Variants in HELQ observed in about 807,000 individuals in gnomAD.
HELQ encodes the protein helicase, POLQ like.
HELQ carries 77 observed loss-of-function variants against 111.6 expected under a neutral mutation model. That is an observed-to-expected ratio of 0.69 (90% CI 0.57 to 0.83). The LOEUF is 0.83. HELQ is among the 40% of genes least tolerant of loss of function. The pLI is 0.00. For synonymous variants in HELQ, 438 were observed against 454.7 expected, an observed-to-expected ratio of 0.96 and a Z score of 0.47; for missense variants, 1,200 against 1,288.5, an observed-to-expected ratio of 0.93 and a Z score of 1.05.
At chr4:83,446,294 T>G (rs1017567500) in intron 4 of HELQ, among the ~76,000 whole-genome samples, 3 of 148,780 alleles carry the variant, frequency 2.0e-5, no homozygotes, top group Non-Finnish European at 4.5e-5. Flanking sequence ...AATCTGGGAT[T>G]CATAAGTACT....
In HELQ at chr4:83,421,756, T is replaced by C; in HGVS notation, c.2776-20A>G. ...CACCTTCTAGAAAGACACAATCAAA[T>C]AAATTCGTTTACTAGACCTGCTAAA... On this transcript the variant is annotated intron_variant, in intron 14 of 17. Coordinates refer to ENST00000295488, the MANE Select transcript of HELQ (RefSeq NM_133636.5). 1 of 1,601,652 alleles carries C rather than the reference T, an allele frequency of 6.2e-7. No individual in the cohort carries two copies. Among genetic ancestry groups the C allele is most frequent in the Middle Eastern group, 1.7e-4 (1 of 5,950 alleles).
At position 83,427,646 on chromosome 4, in the gene HELQ, T is replaced by C; in HGVS notation, c.2593A>G (p.Ser865Gly). The C allele has an allele frequency of 6.2e-7, 1 of 1,607,786 alleles. No individual in the cohort carries two copies. Among genetic ancestry groups the C allele is most frequent in the Admixed American group, 1.7e-5 (1 of 58,974 alleles). Residue 865 changes from serine to glycine, a missense_variant, in exon 13 of 18, where the codon AGC becomes GGC. By Grantham distance (56) the Ser-to-Gly change is moderately conservative (BLOSUM62 0). Coordinates refer to ENST00000295488, the MANE Select transcript of HELQ (RefSeq NM_133636.5). Reference sequence around the variant, plus strand: ...GTTAGGTAGATTAGATGAAGAAGGCTTTCAAGCACAAGTCCTTCAAGACCT... The same window carrying C: ...GTTAGGTAGATTAGATGAAGAAGGCCTTCAAGCACAAGTCCTTCAAGACCT... ...KKGLEGLVLE[S>G]LLHLIYLTTP...
rs1056366513 is a variant in HELQ, at chr4:83,411,405, T to C, written c.3199-3845A>G. On this transcript the variant is annotated intron_variant, in intron 17 of 17. Coordinates refer to ENST00000295488, the MANE Select transcript of HELQ (RefSeq NM_133636.5). ...AGGGTGGATCACTTGAGCTCAGGAGTTGGAGACCAGCCTGGGCAGCATGGT... is the reference window on the plus strand; with the variant it reads ...AGGGTGGATCACTTGAGCTCAGGAGCTGGAGACCAGCCTGGGCAGCATGGT... Among the ~76,000 whole-genome samples, 4 of 150,872 alleles carry C rather than the reference T, an allele frequency of 2.7e-5. No homozygotes were observed. In the East Asian group the frequency reaches 5.9e-4, roughly 22 times the overall value.
chr4:83,438,821 G>C (rs764633392), intron 8 of HELQ, among the ~76,000 whole-genome samples: 1 of 151,482 alleles, frequency 6.6e-6, no homozygotes, highest in East Asian at 1.9e-4. Flanking sequence ...AGTGGTAACA[G>C]TGATTAGTCC....
chr4:83,452,294 A>AT (rs1206279370), intron 2 of HELQ, among the ~76,000 whole-genome samples: 1 of 150,756 alleles, frequency 6.6e-6, no homozygotes, highest in Non-Finnish European at 1.5e-5. Flanking sequence ...GTGTTACTGT[A>AT]TTTTATTGTG....
At chr4:83,450,693 C>A (rs75327392) in intron 2 of HELQ, among the ~76,000 whole-genome samples, 3,594 of 149,258 alleles carry the variant, frequency 0.024, 135 homozygotes, top group African/African-American at 0.084. Flanking sequence ...TAGCCGGGTA[C>A]AATGGCTCAT....
intron 11 of HELQ, among the ~76,000 whole-genome samples, chr4:83,430,982 A>G (rs142953881): frequency 2.9e-4 from 44 of 152,252 alleles, no homozygotes; most frequent in African/African-American, 1.0e-3. Flanking sequence ...ATAGTAATTG[A>G]AACCCACTGG....
chr4:83,448,790 T>G lies in HELQ; in HGVS notation c.1184A>C (p.Gln395Pro), dbSNP rs1176438930. Residue 395 changes from glutamine (Q) to proline (P), a missense_variant, in exon 3 of 18, where the codon CAA becomes CCA. Physicochemically the swap from Gln to Pro is moderately conservative, Grantham distance 76. This residue lies in a region of HELQ where 610 missense variants were observed against 607.1 expected (regional missense o/e 1.00). Transcript: ENST00000295488. ...LMILPYVAIV[Q>P]EKISGLSSFG... is the part of the protein sequence containing the mutation. ...ACATACACACACACACACCTTTTCT[T>G]GGACAATTGCCACATATGGAAGAAT... 1 of 1,612,478 alleles carries G rather than the reference T, an allele frequency of 6.2e-7. No individual in the cohort carries two copies.
rs187338622 is a variant in HELQ at position 83,408,645 on chromosome 4, C to T, written c.3199-1085G>A. ...TCCAGGCTGTTCTCAAACTCTTGGG[C>T]TCAAACGATCCTCCTGCCTTGGCCT... On this transcript the variant is annotated intron_variant, in intron 17 of 17. Coordinates refer to ENST00000295488, the MANE Select transcript of HELQ (RefSeq NM_133636.5). Among the ~76,000 whole-genome samples, 22 of 151,054 alleles carry T rather than the reference C, an allele frequency of 1.5e-4. No homozygotes were observed. The East Asian group carries it at 4.3e-3, about 29-fold the overall frequency.
At chr4:83,421,807 A>C in intron 14 of HELQ, 71 bp from the exon 15 acceptor site, 1 of 1,207,970 alleles carries the variant, frequency 8.3e-7, no homozygotes, top group Non-Finnish European at 1.2e-6. Flanking sequence ...AATTGGACAA[A>C]AGGAAAACTG....
At chr4:83,418,341 G>C (rs1371647819) in intron 15 of HELQ, 135 bp from the exon 16 acceptor site, 2 of 479,366 alleles carry the variant, frequency 4.2e-6, no homozygotes, top group Non-Finnish European at 7.5e-6. Context: ...GATGAAAGAT[G>C]ATTCTAAGCA....
At chr4:83,429,975 C>G (rs889817351) in intron 11 of HELQ, among the ~76,000 whole-genome samples, 1 of 151,980 alleles carries the variant, frequency 6.6e-6, no homozygotes, top group African/African-American at 2.4e-5. Context: ...AACATGTACT[C>G]ATTTTTCATT....
chr4:83,443,998 T>C (rs1363783148), intron 5 of HELQ, among the ~76,000 whole-genome samples: 2 of 152,134 alleles, frequency 1.3e-5, no homozygotes, highest in Admixed American at 6.5e-5. Context: ...TGAGCCATGA[T>C]TGTGTCACTG....
chr4:83,409,755 A>G (rs1213119321), intron 17 of HELQ, among the ~76,000 whole-genome samples: 1 of 152,158 alleles, frequency 6.6e-6, no homozygotes, highest in Admixed American at 6.5e-5. Context: ...CTAAGAACCG[A>G]CATGGACAAA....
chr4:83,429,705 A>C lies in HELQ; in HGVS notation c.2337T>G (p.Gly779=). Residue 779 remains glycine, a synonymous_variant, in exon 12 of 18, where the codon GGT becomes GGG. Transcript: ENST00000295488. ...CCTTTTGCTGAACACCAAAAAATGT[A>C]CCATTCATGAAATGATAGATGTCAT... ...NLDDIYHFMN[G]TFFGVQQKVL... 1.2e-6 allele frequency: 2 copies of C among 1,613,344 alleles called. No homozygotes were observed. Among genetic ancestry groups the C allele is most frequent in the Non-Finnish European group, 1.7e-6 (2 of 1,179,542 alleles).
At chr4:83,448,184 T>G (rs2110010422) in intron 3 of HELQ, among the ~76,000 whole-genome samples, 1 of 152,142 alleles carries the variant, frequency 6.6e-6, no homozygotes, top group South Asian at 2.1e-4. Flanking sequence ...CACTCCAGCC[T>G]GGGCGACAGA....
At chr4:83,445,158 G>T (rs1291651104) in intron 5 of HELQ, among the ~76,000 whole-genome samples, 1 of 152,318 alleles carries the variant, frequency 6.6e-6, no homozygotes, top group East Asian at 1.9e-4. Context: ...CTGAAGAACG[G>T]CTTTGAAGGA....
At chr4:83,409,213 T>C (rs1348631769) in intron 17 of HELQ, among the ~76,000 whole-genome samples, 4 of 152,112 alleles carry the variant, frequency 2.6e-5, no homozygotes, top group Non-Finnish European at 4.4e-5. Context: ...GTCCAAGATA[T>C]GCAGAGGCAC....
chr4:83,427,351 A>C (rs946933059), intron 13 of HELQ, among the ~76,000 whole-genome samples: 1 of 152,162 alleles, frequency 6.6e-6, no homozygotes, highest in African/African-American at 2.4e-5. Context: ...GTGAATAATC[A>C]CTTCATAAAA....
Sources: gnomAD v4.1 joint callset for allele counts (sites outside exome capture counted in the v4.1 genomes callset) on GRCh38, gnomAD v4.1.1 for gene constraint, gnomAD v4.1.1 regional missense constraint, MANE v1.5 for transcripts, NCBI Gene and HGNC (gene_info 2026-07-23, HGNC 2026-07-21) for gene names.